The following CENPI variants were observed in gnomAD, a reference collection of about 807,000 sequenced individuals.
The protein encoded by CENPI is FSH primary response 1.
A neutral mutation model predicts 60.4 loss-of-function variants in CENPI; 4 were observed. The ratio of observed to expected loss-of-function variants is 0.07; its 90% CI spans 0.03 to 0.15. The LOEUF (loss-of-function observed/expected upper bound fraction) is 0.15, where lower values mean the gene tolerates loss of function less well. Ranked by LOEUF, CENPI falls within the 10% of genes least tolerant of loss-of-function variation. The pLI is 1.00. For synonymous variants in CENPI, 157 were observed against 189.4 expected, an observed-to-expected ratio of 0.83 and a Z score of 1.40; for missense variants, 444 against 534.5, an observed-to-expected ratio of 0.83 and a Z score of 1.67.
intron 21 of CENPI, among the ~76,000 whole-genome samples, chrX:101,161,798 A>G (rs1485964765): frequency 9.0e-6 from 1 of 111,617 alleles, no homozygotes; most frequent in Non-Finnish European, 1.9e-5. Context: ...TTGCATGTAT[A>G]TAAAGTATGA....
chrX:101,111,644 CAA>C (rs1183921363), intron 6 of CENPI, among the ~76,000 whole-genome samples: 5 of 111,779 alleles, frequency 4.5e-5, no homozygotes, highest in Non-Finnish European at 7.5e-5. Context: ...CAAGTACAAA[CAA>C]AGTCCTCCTG....
At chrX:101,172,290 A>G in the CENPI span, among the ~76,000 whole-genome samples, 1 of 111,950 alleles carries the variant, frequency 8.9e-6, no homozygotes, top group African/African-American at 3.2e-5. Context: ...TGAGCCTGCA[A>G]TTCCACTGGG....
intron 4 of CENPI, among the ~76,000 whole-genome samples, chrX:101,107,728 G>A (rs2089500165): frequency 9.2e-6 from 1 of 108,817 alleles, no homozygotes; most frequent in South Asian, 3.9e-4. Context: ...CAGTGCAATG[G>A]CATGATCTTG....
In CENPI at chrX:101,161,586, T is replaced by C; in HGVS notation, c.2136+17T>C. On this transcript the variant is annotated intron_variant, in intron 21 of 21. Coordinates refer to ENST00000682095, the MANE Select transcript of CENPI (RefSeq NM_001386188.2). ...TCTATTCGGGTAAATAAATTTACTT[T>C]CATCGTGTTGAGGGATTTCATACAG... 1 of 1,181,439 alleles carries C rather than the reference T, an allele frequency of 8.5e-7. No individual in the cohort carries two copies. The highest frequency in any genetic ancestry group is 1.8e-5 in the South Asian group (1 of 55,758).
At chrX:101,122,851 G>A (rs759647909) in intron 8 of CENPI, among the ~76,000 whole-genome samples, 2 of 111,806 alleles carry the variant, frequency 1.8e-5, no homozygotes, top group South Asian at 7.4e-4. Context: ...GGGCGACAGG[G>A]CAAGACTCCG....
chrX:101,168,750 G>A (rs1432954099), downstream of CENPI, among the ~76,000 whole-genome samples: 1 of 111,459 alleles, frequency 9.0e-6, no homozygotes, highest in African/African-American at 3.3e-5. Context: ...ATACAGTGGG[G>A]GAATGGACTT....
At chrX:101,108,326 T>C (rs1362118952) in intron 4 of CENPI, among the ~76,000 whole-genome samples, 1 of 110,662 alleles carries the variant, frequency 9.0e-6, no homozygotes, top group Non-Finnish European at 1.9e-5. Context: ...TCCTCCGGCC[T>C]CAGCCTCCCA....
chrX:101,163,091 G>C lies in CENPI; in HGVS notation c.*124G>C. On this transcript the variant is annotated 3_prime_UTR_variant, in exon 22 of 22. Coordinates refer to ENST00000682095, the MANE Select transcript of CENPI (RefSeq NM_001386188.2). ...GACTGCCATCCTCAAGGAGTACTCA[G>C]ACTGGCCTTCTGTTCATGGCTTAGG... The C allele has an allele frequency of 1.4e-6, 1 of 736,141 alleles. No homozygotes were observed. Among genetic ancestry groups the C allele is most frequent in the Non-Finnish European group, 2.0e-6 (1 of 496,883 alleles). The allele number at this position is 736,141 out of a possible 1,213,427, so 60.7% of individuals were successfully genotyped here. A position where few individuals can be genotyped will look rare whatever the true frequency, so the allele number is the denominator to read the frequency against.
At chrX:101,134,450 G>A (rs1228900121) in intron 15 of CENPI, among the ~76,000 whole-genome samples, 1 of 111,503 alleles carries the variant, frequency 9.0e-6, no homozygotes, top group African/African-American at 3.3e-5. Context: ...GACAGCCAGG[G>A]AGAAAAAAAG....
At chrX:101,101,536 CT>C (rs374234114) in intron 3 of CENPI, among the ~76,000 whole-genome samples, 1,866 of 104,684 alleles carry the variant, frequency 0.018, 40 homozygotes, top group African/African-American at 0.06. Flanking sequence ...ACCTTTTTTT[CT>C]TTTTTTTTTT....
intron 13 of CENPI, among the ~76,000 whole-genome samples, chrX:101,131,086 C>T (rs1330751572): frequency 9.0e-6 from 1 of 111,293 alleles, no homozygotes; most frequent in Non-Finnish European, 1.9e-5. Flanking sequence ...ACCTCCTGGG[C>T]TCAATTGATC....
intron 20 of CENPI, among the ~76,000 whole-genome samples, chrX:101,154,586 A>G: frequency 9.0e-6 from 1 of 111,369 alleles, no homozygotes; most frequent in Admixed American, 9.6e-5. Context: ...GTCTAAAAAA[A>G]CAAAACAAAA....
At chrX:101,128,187 A>C (rs1465338107) in intron 11 of CENPI, among the ~76,000 whole-genome samples, 1 of 111,381 alleles carries the variant, frequency 9.0e-6, no homozygotes, top group Non-Finnish European at 1.9e-5. Flanking sequence ...ATCTAAATTT[A>C]GCTGGGCGTG....
At chrX:101,140,469 G>C (rs1337763747) in intron 15 of CENPI, among the ~76,000 whole-genome samples, 197 bp from the exon 16 acceptor site, 2 of 112,136 alleles carry the variant, frequency 1.8e-5, no homozygotes, top group African/African-American at 6.5e-5. Flanking sequence ...GTTTCTTGTA[G>C]AGAAAATGGC....
chrX:101,113,331 T>A (rs1272720684), intron 6 of CENPI, among the ~76,000 whole-genome samples: 5 of 100,724 alleles, frequency 5.0e-5, no homozygotes, highest in African/African-American at 1.8e-4. Flanking sequence ...ACAGAGTAGA[T>A]TTTTTTTTTT....
Position 101,156,980 on chromosome X carries a change from T to G in CENPI, c.2095-4548T>G, listed in dbSNP as rs779623425. Among the ~76,000 whole-genome samples, 4 of 111,560 alleles carry G rather than the reference T, an allele frequency of 3.6e-5. No homozygotes were observed. In the East Asian group the frequency reaches 1.1e-3, roughly 31 times the overall value. ...ATAAACATGCATGCACAAGTGCCTT[T>G]TTTTGTATAATGACTTCTTTTCCTC... is the stretch of plus-strand genomic sequence containing the variant. On this transcript the variant is annotated intron_variant, in intron 20 of 21. Transcript: ENST00000682095.
At chrX:101,099,178 G>T (rs140027125) in intron 2 of CENPI, among the ~76,000 whole-genome samples, 1 of 110,530 alleles carries the variant, frequency 9.0e-6, no homozygotes, top group Non-Finnish European at 1.9e-5. Context: ...TGTAATCCCA[G>T]CACTTTGGGA....
chrX:101,177,560 T>C, the CENPI span, among the ~76,000 whole-genome samples: 2 of 111,799 alleles, frequency 1.8e-5, no homozygotes, highest in Non-Finnish European at 3.8e-5. Flanking sequence ...CTCCTCAAGC[T>C]CAAGGCAGAA....
chrX:101,118,261 A>G (rs939599183), intron 6 of CENPI, among the ~76,000 whole-genome samples: 1 of 111,423 alleles, frequency 9.0e-6, no homozygotes, highest in Non-Finnish European at 1.9e-5. Context: ...AAGAGTGGTA[A>G]CCTTGGAAGT....
Sources: gnomAD v4.1 joint callset for allele counts (sites outside exome capture counted in the v4.1 genomes callset) on GRCh38, gnomAD v4.1.1 for gene constraint, MANE v1.5 for transcripts, NCBI Gene and HGNC (gene_info 2026-07-23, HGNC 2026-07-21) for gene names.